Variants in ALDH1L2 observed in about 807,000 individuals in gnomAD.
ALDH1L2 encodes aldehyde dehydrogenase 1 family member L2, also known as mitochondrial 10-formyltetrahydrofolate dehydrogenase.
A neutral mutation model predicts 111.0 loss-of-function variants in ALDH1L2; 91 were observed. The observed-to-expected ratio is 0.82, with a 90% CI of 0.69 to 0.98. The LOEUF is 0.98. Among genes scored for constraint, ALDH1L2 ranks in the 50% least tolerant of loss-of-function variants. The pLI is 0.00. For synonymous variants in ALDH1L2, 374 were observed against 392.6 expected (o/e 0.95, Z 0.56); for missense variants, 995 against 1,126.8 (o/e 0.88, Z 1.67).
intron 4 of ALDH1L2, among the ~76,000 whole-genome samples, chr12:105,068,013 A>G (rs1049911119): frequency 6.6e-6 from 1 of 152,244 alleles, no homozygotes; most frequent in African/African-American, 2.4e-5. Context: ...GTCATGCAAC[A>G]AAGAAGAGGT....
intron 18 of ALDH1L2, among the ~76,000 whole-genome samples, chr12:105,036,801 A>G (rs1366134211): frequency 1.3e-5 from 2 of 151,722 alleles, no homozygotes; most frequent in Non-Finnish European, 2.9e-5. Context: ...GGGGTTCTTA[A>G]ATGGTTAAAA....
In ALDH1L2 at chr12:105,024,373, C is replaced by T. The variant is rs1874309101; in HGVS notation, c.*51G>A. ...ACACACCCAATCTTCTTAAGTGTGTCCAGAGTTGTAAAGGGCTGTCTGTCA... is the reference window on the plus strand; with the variant it reads ...ACACACCCAATCTTCTTAAGTGTGTTCAGAGTTGTAAAGGGCTGTCTGTCA... On this transcript the variant is annotated 3_prime_UTR_variant, in exon 23 of 23. Coordinates refer to ENST00000258494, the MANE Select transcript of ALDH1L2 (RefSeq NM_001034173.4). 1 of 1,600,758 alleles carries T rather than the reference C, an allele frequency of 6.2e-7. No individual in the cohort carries two copies. Among genetic ancestry groups the T allele is most frequent in the Admixed American group, 1.7e-5 (1 of 59,882 alleles).
At chr12:105,049,821 A>G in intron 13 of ALDH1L2, 87 bp downstream of exon 13, 15 of 1,420,914 alleles carry the variant, frequency 1.1e-5, no homozygotes, top group Non-Finnish European at 1.4e-5. Flanking sequence ...AAAAATCTAC[A>G]TAAAAAGAGG....
intron 13 of ALDH1L2, chr12:105,047,333 T>G (rs1332358466): frequency 3.8e-6 from 1 of 260,742 alleles, no homozygotes; most frequent in Non-Finnish European, 7.5e-6. Context: ...TTCTCCAGAT[T>G]AGGGATGGTC....
intron 13 of ALDH1L2, among the ~76,000 whole-genome samples, chr12:105,048,987 G>A (rs1222136293): frequency 2.0e-5 from 3 of 151,958 alleles, no homozygotes; most frequent in Admixed American, 1.3e-4. Flanking sequence ...CTGAGATGGC[G>A]CCACTGCACT....
At position 105,049,920 on chromosome 12, in the gene ALDH1L2, G is replaced by C. The variant is rs535895849; in HGVS notation, c.1674C>G (p.Cys558Trp). The change falls in exon 13 of 23, where the codon TGC becomes TGG. Residue 558 changes from cysteine to tryptophan, a missense_variant. Physicochemically the swap from Cys to Trp is radical, Grantham distance 215 (BLOSUM62 -2). Coordinates refer to ENST00000258494, the MANE Select transcript of ALDH1L2 (RefSeq NM_001034173.4). Reference sequence around the variant, plus strand: ...TATTTGTGCTTACCTGAATTTTGTCGCACCAGCCAGCAAAATATCTGAATG... The same window carrying C: ...TATTTGTGCTTACCTGAATTTTGTCCCACCAGCCAGCAAAATATCTGAATG... ...VQTFRYFAGW[C>W]DKIQGSTIPI... 1 of 1,609,232 alleles carries C rather than the reference G, an allele frequency of 6.2e-7. No individual in the cohort carries two copies. Among genetic ancestry groups the C allele is most frequent in the Admixed American group, 1.7e-5 (1 of 59,390 alleles).
intron 9 of ALDH1L2, chr12:105,060,435 A>G (rs950611046): frequency 6.6e-6 from 1 of 152,240 alleles, no homozygotes; most frequent in Non-Finnish European, 1.5e-5. Context: ...TTTTAGGTAT[A>G]CGGAAGATAT....
chr12:105,081,946 C>A (rs1190815131), intron 1 of ALDH1L2, among the ~76,000 whole-genome samples: 1 of 152,226 alleles, frequency 6.6e-6, no homozygotes, highest in Non-Finnish European at 1.5e-5. Context: ...GTAATCCCAA[C>A]ACTTTAGGAG....
chr12:105,066,241 G>C (rs1185392560), intron 5 of ALDH1L2, among the ~76,000 whole-genome samples: 1 of 152,088 alleles, frequency 6.6e-6, no homozygotes, highest in East Asian at 1.9e-4. Flanking sequence ...GCGTTTCTGG[G>C]CATTTTTTAT....
intron 6 of ALDH1L2, among the ~76,000 whole-genome samples, chr12:105,064,627 G>A (rs1397608079): frequency 3.9e-5 from 6 of 152,196 alleles, no homozygotes; most frequent in African/African-American, 9.7e-5. Context: ...AATATATGAT[G>A]TGCGATGCCA....
At position 105,034,846 on chromosome 12, in the gene ALDH1L2, T is replaced by G. The variant is rs1438546258; in HGVS notation, c.2146-448A>C. On this transcript the variant is annotated intron_variant, in intron 18 of 22. Transcript: ENST00000258494. Reference sequence around the variant, plus strand: ...TAAAAATACAAAAATTAGCTGGGCATGGTGGCAGGTGCCTGTAATCCCAGC... The same window carrying G: ...TAAAAATACAAAAATTAGCTGGGCAGGGTGGCAGGTGCCTGTAATCCCAGC... Among the ~76,000 whole-genome samples, 3 of 152,172 alleles carry G rather than the reference T, an allele frequency of 2.0e-5. No homozygotes were observed. In the East Asian group the frequency reaches 5.8e-4, roughly 29 times the overall value.
At chr12:105,083,920 C>T (rs951826487) in intron 1 of ALDH1L2, among the ~76,000 whole-genome samples, 8 of 152,222 alleles carry the variant, frequency 5.3e-5, no homozygotes, top group Non-Finnish European at 1.0e-4. Flanking sequence ...GCCCTGCGTG[C>T]CAGTCTCGAG....
intron 20 of ALDH1L2, among the ~76,000 whole-genome samples, chr12:105,030,796 A>C (rs1248415335): frequency 6.6e-6 from 1 of 152,226 alleles, no homozygotes; most frequent in Admixed American, 6.5e-5. Flanking sequence ...TTCTTATATA[A>C]CCACTATACA....
chr12:105,084,182 A>C (rs1040561926), intron 1 of ALDH1L2, among the ~76,000 whole-genome samples: 1 of 152,238 alleles, frequency 6.6e-6, no homozygotes, highest in Admixed American at 6.5e-5. Context: ...CCTGCGTGCC[A>C]GTTCCCATCC....
At chr12:105,068,604 GT>G in intron 4 of ALDH1L2, 114 bp downstream of exon 4, 1 of 1,092,758 alleles carries the variant, frequency 9.2e-7, no homozygotes, top group Non-Finnish European at 1.2e-6. Flanking sequence ...ATCTAATTTT[GT>G]TTTTAAACTT....
At chr12:105,049,759 T>C in intron 13 of ALDH1L2, 149 bp downstream of exon 13, 1 of 827,404 alleles carries the variant, frequency 1.2e-6, no homozygotes, top group Non-Finnish European at 1.7e-6. Flanking sequence ...TCTCAGGTAT[T>C]CTGTTACAGC....
chr12:105,040,786 T>A, intron 15 of ALDH1L2, 92 bp from the exon 16 acceptor site: 1 of 997,692 alleles, frequency 1.0e-6, no homozygotes, highest in Non-Finnish European at 1.6e-6. Context: ...GCACTAGATC[T>A]CATTTTATTT....
chr12:105,071,749 C>T (rs1320407567), intron 2 of ALDH1L2, among the ~76,000 whole-genome samples: 1 of 139,450 alleles, frequency 7.2e-6, no homozygotes, highest in African/African-American at 2.7e-5. Context: ...CCCCGCCTCC[C>T]GGGTTCATGC....
intron 10 of ALDH1L2, among the ~76,000 whole-genome samples, chr12:105,053,197 G>T (rs1876404220): frequency 6.6e-6 from 1 of 152,132 alleles, no homozygotes. Flanking sequence ...ACAGATAAAA[G>T]GTAACTCACA....
Sources: allele counts gnomAD v4.1 joint callset (sites outside exome capture counted in the v4.1 genomes callset), GRCh38; gene constraint gnomAD v4.1.1; transcripts MANE v1.5; gene names NCBI Gene and HGNC (gene_info 2026-07-23, HGNC 2026-07-21).